The following SCN11A variants were observed in gnomAD, a reference collection of about 807,000 sequenced individuals.
The protein encoded by SCN11A is sodium channel protein type 11 subunit alpha.
Under a neutral mutation model 162.2 loss-of-function variants are expected in SCN11A, and 122 were observed. That is an observed-to-expected ratio of 0.75 (90% CI 0.65 to 0.87). The LOEUF (loss-of-function observed/expected upper bound fraction) is 0.87. Ranked by LOEUF, SCN11A falls within the 40% of genes least tolerant of loss-of-function variation. The pLI is 0.00. For missense variants in SCN11A, 2,015 were observed against 2,181.6 expected, an observed-to-expected ratio of 0.92 and a Z score of 1.52; for synonymous variants, 758 against 751.5, an observed-to-expected ratio of 1.01 and a Z score of -0.14.
intron 2 of SCN11A, among the ~76,000 whole-genome samples, chr3:39,025,089 CTTGCT>C (rs2031553911): frequency 6.6e-6 from 1 of 152,134 alleles, no homozygotes; most frequent in Non-Finnish European, 1.5e-5. Context: ...GGAGTAACAG[CTTGCT>C]TTGGATAAAG....
chr3:38,921,382 G>A (rs374657408), intron 9 of SCN11A, 127 bp from the exon 10 acceptor site: 2 of 818,598 alleles, frequency 2.4e-6, no homozygotes, highest in Non-Finnish European at 3.9e-6. Flanking sequence ...CTCCAGCCTA[G>A]CCTATGATTC....
At chr3:38,850,445 G>C (rs746630692) in intron 29 of SCN11A, 36 bp downstream of exon 29, 2 of 1,568,768 alleles carry the variant, frequency 1.3e-6, no homozygotes, top group Non-Finnish European at 1.7e-6. Flanking sequence ...CTTACTTCTG[G>C]TTCTTAAAGT....
rs1444135094 is a variant in SCN11A, at chr3:38,910,050, A to G, written c.1101+16T>C. 6 of 1,612,106 alleles carry G rather than the reference A, an allele frequency of 3.7e-6. No homozygotes were observed. The highest frequency in any genetic ancestry group is 2.2e-5 in the East Asian group (1 of 44,790). ...AGGGAGGGAGAGAGGAAAAAGAGAG[A>G]CTATAAATAGATAACCTGTTGATAA... On this transcript the variant is annotated intron_variant, in intron 12 of 29. Transcript: ENST00000302328.
chr3:38,910,954 C>T (rs893644514), intron 11 of SCN11A, among the ~76,000 whole-genome samples: 1 of 152,120 alleles, frequency 6.6e-6, no homozygotes, highest in Non-Finnish European at 1.5e-5. Flanking sequence ...AATACATGCA[C>T]ATGGCTTAAA....
At chr3:39,041,933 A>T (rs559688144) in intron 1 of SCN11A, among the ~76,000 whole-genome samples, 7 of 152,328 alleles carry the variant, frequency 4.6e-5, no homozygotes, top group African/African-American at 1.7e-4. Flanking sequence ...AAATGGATTA[A>T]ATTTCCCAAT....
chr3:39,010,382 T>C (rs976284262), intron 2 of SCN11A, among the ~76,000 whole-genome samples: 7 of 123,082 alleles, frequency 5.7e-5, no homozygotes, highest in Non-Finnish European at 7.7e-5. Context: ...GTTTTTCTTT[T>C]TTCTTTTTTT....
At chr3:38,910,262 T>A (rs7429404) in intron 11 of SCN11A, 55 bp from the exon 12 acceptor site, 10 of 1,553,476 alleles carry the variant, frequency 6.4e-6, no homozygotes, top group Non-Finnish European at 7.9e-6. Context: ...CCAAGCTTCT[T>A]TTTCCTTCCA....
chr3:38,921,245 G>A lies in SCN11A; in HGVS notation c.723C>T (p.Val241=). The change falls in exon 10 of 30, where the codon GTC becomes GTT. Residue 241 remains valine (V), a synonymous_variant. Coordinates refer to ENST00000302328, the MANE Select transcript of SCN11A (RefSeq NM_001349253.2). Reference sequence around the variant, plus strand: ...CAGAGCGTAGCAAGGCCCCCACGATGACCTTCAGACCTGAGAAAGAGGACA... The same window carrying A: ...CAGAGCGTAGCAAGGCCCCCACGATAACCTTCAGACCTGAGAAAGAGGACA... ...KAISVVSRLK[V]IVGALLRSVK... is the part of the protein sequence containing the mutation. 1 of 1,613,742 alleles carries A rather than the reference G, an allele frequency of 6.2e-7. No homozygotes were observed. The highest frequency in any genetic ancestry group is 8.5e-7 in the Non-Finnish European group (1 of 1,179,816).
chr3:38,952,252 G>A (rs2125579354), intron 4 of SCN11A, among the ~76,000 whole-genome samples: 1 of 152,116 alleles, frequency 6.6e-6, no homozygotes, highest in Non-Finnish European at 1.5e-5. Flanking sequence ...TGTTAATAGG[G>A]TTACTCTACC....
chr3:39,033,494 T>C (rs1420481135), intron 1 of SCN11A, among the ~76,000 whole-genome samples: 3 of 152,238 alleles, frequency 2.0e-5, no homozygotes. Context: ...TTGTTATTAC[T>C]ATTTTACAGA....
chr3:38,990,030 A>T lies in SCN11A; in HGVS notation c.-279-29607T>A, dbSNP rs552076540. Among the ~76,000 whole-genome samples, 5 of 152,114 alleles carry T rather than the reference A, an allele frequency of 3.3e-5. No homozygotes were observed. In the East Asian group the frequency reaches 9.7e-4, roughly 29 times the overall value. Reference sequence around the variant, plus strand: ...GCCTCTTTTGATTACAGGAGAATTCACTCTAATTGACTTCCAGGCATTAAA... The same window carrying T: ...GCCTCTTTTGATTACAGGAGAATTCTCTCTAATTGACTTCCAGGCATTAAA... On this transcript the variant is annotated intron_variant, in intron 2 of 29. Transcript: ENST00000302328.
intron 26 of SCN11A, 49 bp from the exon 27 acceptor site, chr3:38,867,507 A>G (rs1266465984): frequency 6.9e-7 from 1 of 1,455,378 alleles, no homozygotes; most frequent in African/African-American, 1.4e-5. Flanking sequence ...CTGGAGAAAA[A>G]TATAAGCATT....
chr3:38,959,026 T>C (rs2066715075), intron 3 of SCN11A, among the ~76,000 whole-genome samples: 2 of 152,208 alleles, frequency 1.3e-5, no homozygotes, highest in Admixed American at 1.3e-4. Context: ...GTGATTCTCA[T>C]ACTTTATCCT....
At chr3:38,929,133 A>C (rs7433733) in intron 7 of SCN11A, among the ~76,000 whole-genome samples, 2 of 147,588 alleles carry the variant, frequency 1.4e-5, no homozygotes, top group African/African-American at 5.1e-5. Flanking sequence ...GGGTCTGTGC[A>C]CGCACACACA....
intron 19 of SCN11A, 71 bp from the exon 20 acceptor site, chr3:38,886,309 A>G: frequency 1.0e-6 from 1 of 1,004,020 alleles, no homozygotes; most frequent in South Asian, 1.6e-5. Context: ...AGAAGTTTGA[A>G]TGCTATTTGG....
chr3:39,010,392 T>A (rs956384489), intron 2 of SCN11A, among the ~76,000 whole-genome samples: 1 of 151,454 alleles, frequency 6.6e-6, no homozygotes, highest in Non-Finnish European at 1.5e-5. Context: ...TTTCTTTTTT[T>A]TTTTTGAGAC....
chr3:38,928,225 T>C (rs1260996295), intron 7 of SCN11A, among the ~76,000 whole-genome samples: 1 of 152,202 alleles, frequency 6.6e-6, no homozygotes, highest in Non-Finnish European at 1.5e-5. Flanking sequence ...TTGAAAGTCA[T>C]ATACCTAACA....
chr3:38,939,430 C>T (rs2066406662), intron 7 of SCN11A, among the ~76,000 whole-genome samples: 1 of 151,884 alleles, frequency 6.6e-6, no homozygotes, highest in South Asian at 2.1e-4. Flanking sequence ...GCAAAATATT[C>T]AGAGAAATTT....
intron 28 of SCN11A, among the ~76,000 whole-genome samples, chr3:38,860,914 TAA>T (rs779056676): frequency 6.6e-6 from 1 of 152,140 alleles, no homozygotes; most frequent in Non-Finnish European, 1.5e-5. Flanking sequence ...GAGAAAGAAA[TAA>T]AGAGTATTCA....
Sources: gnomAD v4.1 joint callset for allele counts (sites outside exome capture counted in the v4.1 genomes callset) on GRCh38, gnomAD v4.1.1 for gene constraint, MANE v1.5 for transcripts, NCBI Gene and HGNC (gene_info 2026-07-23, HGNC 2026-07-21) for gene names.